Variants in EFCAB12 observed in about 807,000 individuals in gnomAD.
The protein encoded by EFCAB12 is EF-hand calcium binding domain 12, also known as EF-hand calcium-binding domain-containing protein 12.
A neutral mutation model predicts 53.6 loss-of-function variants in EFCAB12; 43 were observed. The ratio of observed to expected loss-of-function variants is 0.80; its 90% CI spans 0.63 to 1.03. The LOEUF (loss-of-function observed/expected upper bound fraction) is 1.03, where lower values mean the gene tolerates loss of function less well. Among genes scored for constraint, EFCAB12 ranks in the 50% least tolerant of loss-of-function variants. The pLI is 0.00. For synonymous variants in EFCAB12, 269 were observed against 289.2 expected (o/e 0.93, Z 0.71); for missense variants, 646 against 730.6 (o/e 0.88, Z 1.34).
intron 6 of EFCAB12, 139 bp from the exon 7 acceptor site, chr3:129,404,542 T>C (rs1227850797): frequency 1.1e-5 from 11 of 1,019,244 alleles, no homozygotes; most frequent in Non-Finnish European, 1.5e-5. Flanking sequence ...ATATAGTAAC[T>C]TTTTATTGTT....
intron 1 of EFCAB12, among the ~76,000 whole-genome samples, chr3:129,425,473 T>C (rs1396544006): frequency 6.6e-6 from 1 of 152,098 alleles, no homozygotes; most frequent in Non-Finnish European, 1.5e-5. Context: ...TGTTCCTTCC[T>C]GGCTCTGGGT....
intron 6 of EFCAB12, among the ~76,000 whole-genome samples, chr3:129,408,118 G>C (rs1225437824): frequency 6.6e-6 from 1 of 152,184 alleles, no homozygotes; most frequent in Non-Finnish European, 1.5e-5. Flanking sequence ...GGAAATCTCA[G>C]GGCTGAGTCT....
intron 4 of EFCAB12, chr3:129,413,095 A>G (rs534694126): frequency 6.6e-6 from 1 of 152,342 alleles, no homozygotes; most frequent in South Asian, 2.1e-4. Flanking sequence ...GACATAAAGG[A>G]TAAACTGAGA....
chr3:129,409,468 A>G (rs1412857481), intron 5 of EFCAB12, among the ~76,000 whole-genome samples: 1 of 152,232 alleles, frequency 6.6e-6, no homozygotes, highest in African/African-American at 2.4e-5. Context: ...GAAGAGAAGA[A>G]AAGAAAAGTG....
chr3:129,402,785 C>T, intron 7 of EFCAB12: 2 of 563,120 alleles, frequency 3.6e-6, no homozygotes, highest in Non-Finnish European at 6.3e-6. Context: ...TCAGCTGGAC[C>T]TACCCTCAGA....
At chr3:129,418,189 C>G in intron 3 of EFCAB12, 65 bp downstream of exon 3, 3 of 1,443,012 alleles carry the variant, frequency 2.1e-6, no homozygotes, top group East Asian at 2.5e-5. Flanking sequence ...GCGGGGGTGG[C>G]AAAGAGGGAG....
At chr3:129,408,172 G>A (rs1209197251) in intron 6 of EFCAB12, among the ~76,000 whole-genome samples, 3 of 152,302 alleles carry the variant, frequency 2.0e-5, no homozygotes, top group South Asian at 2.1e-4. Context: ...CTGTCTCCAC[G>A]TGCTTTCATA....
chr3:129,426,710 T>C (rs2072277368), intron 1 of EFCAB12, among the ~76,000 whole-genome samples: 1 of 151,914 alleles, frequency 6.6e-6, no homozygotes, highest in Admixed American at 6.6e-5. Flanking sequence ...AGGGTCTTGC[T>C]CTGTTCCCCA....
intron 7 of EFCAB12, 52 bp from the exon 8 acceptor site, chr3:129,402,631 T>C (rs2071888110): frequency 1.3e-6 from 2 of 1,580,506 alleles, no homozygotes; most frequent in African/African-American, 2.7e-5. Flanking sequence ...TCCAGGCCAA[T>C]GGGGCTTTAG....
chr3:129,419,443 G>A (rs938048604), intron 2 of EFCAB12, among the ~76,000 whole-genome samples: 1 of 152,152 alleles, frequency 6.6e-6, no homozygotes, highest in Non-Finnish European at 1.5e-5. Flanking sequence ...CCTTTAAGAG[G>A]TGATTGGGTC....
In EFCAB12 at chr3:129,408,799, C is replaced by A. The variant is rs540497160; in HGVS notation, c.1095G>T (p.Arg365=). The change falls in exon 6 of 9, where the codon CGG becomes CGT. Residue 365 remains arginine, a synonymous_variant. Transcript: ENST00000505956. Reference sequence around the variant, plus strand: ...ACGGGAGGCAGTGCTCATCAAAGTGCCGATTCCCACAGCGCACCAGGTGAC... The same window carrying A: ...ACGGGAGGCAGTGCTCATCAAAGTGACGATTCCCACAGCGCACCAGGTGAC... ...EQCHLVRCGN[R]HFDEHCLPST... is the part of the protein sequence containing the mutation. 2 of 1,577,586 alleles carry A rather than the reference C, an allele frequency of 1.3e-6. No homozygotes were observed. Among genetic ancestry groups the A allele is most frequent in the South Asian group, 2.3e-5 (2 of 85,748 alleles).
chr3:129,406,084 G>C lies in EFCAB12; in HGVS notation c.1250-1681C>G, dbSNP rs534694229. On this transcript the variant is annotated intron_variant, in intron 6 of 8. Transcript: ENST00000505956. ...AAAAAGTGGCTCGATATTCTGGTGG[G>C]GACAGACAAAGAAGCACAGAGGGGA... Among the ~76,000 whole-genome samples, 6 of 152,142 alleles carry C rather than the reference G, an allele frequency of 3.9e-5. No homozygotes were observed. The South Asian group carries it at 1.0e-3, about 26-fold the overall frequency.
chr3:129,408,831 C>T lies in EFCAB12; in HGVS notation c.1063G>A (p.Glu355Lys), dbSNP rs1386642171. Residue 355 changes from glutamate (E) to lysine (K), a missense_variant, in exon 6 of 9, where the codon GAG becomes AAG. Physicochemically the swap from Glu to Lys is moderately conservative, Grantham distance 56. Coordinates refer to ENST00000505956, the MANE Select transcript of EFCAB12 (RefSeq NM_207307.3). ...CCACAGCGCACCAGGTGACATTGCT[C>T]CGTGTACTGGATGGAGGGGATCGTG... ...KLTIPSIQYTEQCHLVRCGNR... is the reference protein window; with the variant it reads ...KLTIPSIQYTKQCHLVRCGNR... 2.5e-6 allele frequency: 4 copies of T among 1,573,868 alleles called. No homozygotes were observed. Among genetic ancestry groups the T allele is most frequent in the Non-Finnish European group, 3.4e-6 (4 of 1,159,564 alleles).
chr3:129,404,807 T>C (rs1047161207), intron 6 of EFCAB12, among the ~76,000 whole-genome samples: 4 of 152,132 alleles, frequency 2.6e-5, no homozygotes, highest in Non-Finnish European at 1.5e-5. Context: ...GAGGTTAACT[T>C]AGACCAATTT....
intron 1 of EFCAB12, among the ~76,000 whole-genome samples, chr3:129,426,153 G>A (rs1336128088): frequency 1.3e-5 from 2 of 151,944 alleles, no homozygotes; most frequent in African/African-American, 4.8e-5. Context: ...CTCTTTTCCT[G>A]ATTACTCCTT....
Position 129,408,736 on chromosome 3 carries a change from C to T in EFCAB12, c.1158G>A (p.Ser386=), listed in dbSNP as rs780246296. Residue 386 remains serine (S), a synonymous_variant, in exon 6 of 9, where the codon TCG becomes TCA. Transcript: ENST00000505956. ...IHGDMRELID[S]ARRHNFLVYL... Reference sequence around the variant, plus strand: ...AGACCAGAAAGTTGTGCCTGCGGGCCGAGTCAATGAGCTCCCTCATATCCC... The same window carrying T: ...AGACCAGAAAGTTGTGCCTGCGGGCTGAGTCAATGAGCTCCCTCATATCCC... The T allele has an allele frequency of 3.2e-5, 50 of 1,584,498 alleles. No individual in the cohort carries two copies. Among genetic ancestry groups the T allele is most frequent in the Admixed American group, 1.1e-4 (6 of 56,334 alleles).
intron 6 of EFCAB12, among the ~76,000 whole-genome samples, chr3:129,404,678 C>G (rs1000571706): frequency 2.6e-4 from 39 of 152,020 alleles, no homozygotes; most frequent in African/African-American, 8.9e-4. Flanking sequence ...GACAATATGG[C>G]TCAGGGGACT....
intron 2 of EFCAB12, among the ~76,000 whole-genome samples, chr3:129,421,149 G>A (rs2072182304): frequency 6.6e-6 from 1 of 152,238 alleles, no homozygotes; most frequent in Non-Finnish European, 1.5e-5. Flanking sequence ...CTCTAGAAAC[G>A]GTGTGTGATC....
chr3:129,426,359 GTTTTTTT>G (rs71620055), intron 1 of EFCAB12, among the ~76,000 whole-genome samples: 15 of 87,806 alleles, frequency 1.7e-4, no homozygotes, highest in Non-Finnish European at 3.1e-4. Flanking sequence ...GTTTTTTTTT[GTTTTTTT>G]TTTTTTTTTT....
Sources: gnomAD v4.1 joint callset for allele counts (sites outside exome capture counted in the v4.1 genomes callset) on GRCh38, gnomAD v4.1.1 for gene constraint, MANE v1.5 for transcripts, NCBI Gene and HGNC (gene_info 2026-07-23, HGNC 2026-07-21) for gene names.